Variants in SH3PXD2A observed in about 807,000 individuals in gnomAD.
SH3PXD2A encodes SH3 and PX domains 2A.
Under a neutral mutation model 115.2 loss-of-function variants are expected in SH3PXD2A, and 32 were observed. The observed-to-expected ratio is 0.28, with a 90% CI of 0.21 to 0.37. The LOEUF (loss-of-function observed/expected upper bound fraction) is 0.37, where lower values mean the gene tolerates loss of function less well. SH3PXD2A is among the 10% of genes least tolerant of loss of function. The probability of loss-of-function intolerance (pLI) is 1.00; values close to 1 mark genes in which losing one functional copy is unlikely to be tolerated. For synonymous variants in SH3PXD2A, 610 were observed against 629.1 expected (o/e 0.97, Z 0.45); for missense variants, 1,328 against 1,498.7 (o/e 0.89, Z 1.88).
intron 3 of SH3PXD2A, among the ~76,000 whole-genome samples, chr10:103,758,671 T>A (rs931574216): frequency 6.6e-6 from 1 of 152,202 alleles, no homozygotes; most frequent in African/African-American, 2.4e-5. Context: ...AAACTGCCCG[T>A]CCAGATTACA....
intron 8 of SH3PXD2A, among the ~76,000 whole-genome samples, chr10:103,657,524 G>GCAAAGCTAC (rs1303910324): frequency 1.3e-5 from 2 of 152,208 alleles, no homozygotes; most frequent in African/African-American, 4.8e-5. Context: ...TTGCTGGGTG[G>GCAAAGCTAC]CAAAGCTACC....
chr10:103,629,430 A>C (rs2036746344), intron 8 of SH3PXD2A, among the ~76,000 whole-genome samples: 1 of 152,168 alleles, frequency 6.6e-6, no homozygotes, highest in Admixed American at 6.5e-5. Context: ...CTGGGTGATG[A>C]GACTGCTTCC....
intron 1 of SH3PXD2A, among the ~76,000 whole-genome samples, chr10:103,842,080 G>A (rs374184129): frequency 3.5e-5 from 5 of 142,412 alleles, no homozygotes; most frequent in Middle Eastern, 4.1e-3. Flanking sequence ...AGCCGAGATC[G>A]CACCACTACA....
At chr10:103,773,504 A>G (rs11594808) in intron 2 of SH3PXD2A, among the ~76,000 whole-genome samples, 27,124 of 150,700 alleles carry the variant, frequency 0.18, 2,717 homozygotes, top group Middle Eastern at 0.24. Context: ...CAGTGGTGCA[A>G]TCTCGGCTCA....
At chr10:103,615,387 C>T (rs2036496381) in intron 11 of SH3PXD2A, among the ~76,000 whole-genome samples, 1 of 152,174 alleles carries the variant, frequency 6.6e-6, no homozygotes, top group Admixed American at 6.6e-5. Flanking sequence ...CTGTGTGTGT[C>T]TGGGTCCAGC....
chr10:103,694,397 C>A (rs2134133736), intron 5 of SH3PXD2A, among the ~76,000 whole-genome samples: 1 of 152,264 alleles, frequency 6.6e-6, no homozygotes, highest in African/African-American at 2.4e-5. Context: ...TCCAGGAGGT[C>A]TAGGGGTGCC....
chr10:103,825,004 G>C (rs561795656), intron 1 of SH3PXD2A, among the ~76,000 whole-genome samples: 1 of 152,288 alleles, frequency 6.6e-6, no homozygotes, highest in African/African-American at 2.4e-5. Context: ...GTTTCGCCAA[G>C]TTATCCTGGC....
At chr10:103,697,118 C>G (rs929212745) in intron 5 of SH3PXD2A, among the ~76,000 whole-genome samples, 3 of 152,082 alleles carry the variant, frequency 2.0e-5, no homozygotes, top group African/African-American at 7.2e-5. Flanking sequence ...GCCTCCAGTT[C>G]AAATCCCTGC....
At position 103,617,283 on chromosome 10, in the gene SH3PXD2A, G is replaced by T; in HGVS notation, c.834C>A (p.Thr278=). 2 of 1,614,134 alleles carry T rather than the reference G, an allele frequency of 1.2e-6. No individual in the cohort carries two copies. Among genetic ancestry groups the T allele is most frequent in the African/African-American group, 1.3e-5 (1 of 75,078 alleles). The part of the protein sequence containing the change: ...EEKYVTVQPY[T]SQSKDEIGFE... ...AGCCAATCTCGTCCTTGCTTTGGCT[G>T]GTGTAAGGCTGCACGGTGACATACT... The change falls in exon 11 of 15, where the codon ACC becomes ACA. Residue 278 remains threonine (T), a synonymous_variant. Coordinates refer to ENST00000369774, the MANE Select transcript of SH3PXD2A (RefSeq NM_001394015.1).
At chr10:103,653,057 C>A (rs756351983) in intron 8 of SH3PXD2A, among the ~76,000 whole-genome samples, 1 of 152,198 alleles carries the variant, frequency 6.6e-6, no homozygotes, top group Non-Finnish European at 1.5e-5. Flanking sequence ...TGACCACACC[C>A]CTGCCCCCTC....
At chr10:103,690,561 T>C (rs1324719121) in intron 6 of SH3PXD2A, among the ~76,000 whole-genome samples, 1 of 152,158 alleles carries the variant, frequency 6.6e-6, no homozygotes, top group Non-Finnish European at 1.5e-5. Flanking sequence ...CTTTGTTCCA[T>C]TAAGAGGCCT....
chr10:103,773,934 T>C (rs1486899777), intron 2 of SH3PXD2A, among the ~76,000 whole-genome samples: 1 of 152,146 alleles, frequency 6.6e-6, no homozygotes, highest in Non-Finnish European at 1.5e-5. Context: ...AGGGTCTCAC[T>C]ATGTTGCCCT....
intron 4 of SH3PXD2A, among the ~76,000 whole-genome samples, chr10:103,728,723 T>A (rs1441971750): frequency 6.6e-6 from 1 of 152,174 alleles, no homozygotes; most frequent in African/African-American, 2.4e-5. Flanking sequence ...TTACTACTAC[T>A]AACAATATCC....
At chr10:103,678,776 T>G (rs2037572887) in intron 6 of SH3PXD2A, among the ~76,000 whole-genome samples, 1 of 152,192 alleles carries the variant, frequency 6.6e-6, no homozygotes, top group South Asian at 2.1e-4. Flanking sequence ...GATCCTGGAA[T>G]CACAAGGAGT....
intron 1 of SH3PXD2A, among the ~76,000 whole-genome samples, chr10:103,834,042 A>C (rs904091405): frequency 2.6e-5 from 4 of 152,208 alleles, no homozygotes; most frequent in Non-Finnish European, 2.9e-5. Flanking sequence ...GGCCAGAGGA[A>C]GCAATGGGAA....
intron 8 of SH3PXD2A, among the ~76,000 whole-genome samples, chr10:103,636,585 C>A (rs1354442803): frequency 6.6e-6 from 1 of 152,068 alleles, no homozygotes; most frequent in Non-Finnish European, 1.5e-5. Context: ...AAGTGACGGG[C>A]ACTCCCAGGC....
rs564072999 is a variant in SH3PXD2A, at chr10:103,601,758, G to A, written c.*58C>T. On this transcript the variant is annotated 3_prime_UTR_variant, in exon 15 of 15. Coordinates refer to ENST00000369774, the MANE Select transcript of SH3PXD2A (RefSeq NM_001394015.1). ...TCCTTTCCCTTTTGTTCGTCTCACC[G>A]CTCATCCAGTGGGCGGCCAGAGAGG... is the stretch of plus-strand genomic sequence containing the variant. 75 of 932,562 alleles carry A rather than the reference G, an allele frequency of 8.0e-5. 2 individuals are homozygous for A. In the South Asian group the frequency reaches 1.6e-3, roughly 20 times the overall value. The allele number at this position is 932,562 out of a possible 1,614,324, so 57.8% of individuals were successfully genotyped here. A position where few individuals can be genotyped will look rare whatever the true frequency, so the allele number is the denominator to read the frequency against.
chr10:103,755,726 A>G (rs1455659477), intron 3 of SH3PXD2A, among the ~76,000 whole-genome samples: 1 of 152,108 alleles, frequency 6.6e-6, no homozygotes, highest in Non-Finnish European at 1.5e-5. Context: ...CAGGAGCCCA[A>G]AGTCATTGCT....
At chr10:103,683,089 G>T (rs2134109657) in intron 6 of SH3PXD2A, among the ~76,000 whole-genome samples, 1 of 152,244 alleles carries the variant, frequency 6.6e-6, no homozygotes, top group East Asian at 1.9e-4. Flanking sequence ...GCCAGGTGTG[G>T]TGGCTCACGT....
Sources: allele counts gnomAD v4.1 joint callset (sites outside exome capture counted in the v4.1 genomes callset), GRCh38; gene constraint gnomAD v4.1.1; transcripts MANE v1.5; gene names NCBI Gene and HGNC (gene_info 2026-07-23, HGNC 2026-07-21).